PRKCZ: variants seen among roughly 807,000 people sequenced by gnomAD.
The protein encoded by PRKCZ is protein kinase C zeta type.
PRKCZ carries 33 observed loss-of-function variants against 79.5 expected under a neutral mutation model. That is an observed-to-expected ratio of 0.41 (90% CI 0.31 to 0.55). The LOEUF is 0.55. PRKCZ is among the 20% of genes least tolerant of loss of function. The probability of loss-of-function intolerance (pLI) is 0.19; values close to 1 mark genes in which losing one functional copy is unlikely to be tolerated. For synonymous variants in PRKCZ, 342 were observed against 320.9 expected, an observed-to-expected ratio of 1.07 and a Z score of -0.70; for missense variants, 578 against 813.5, an observed-to-expected ratio of 0.71 and a Z score of 3.52.
intron 4 of PRKCZ, among the ~76,000 whole-genome samples, chr1:2,101,174 G>A (rs972465893): frequency 1.3e-5 from 2 of 152,162 alleles, no homozygotes; most frequent in African/African-American, 4.8e-5. Flanking sequence ...GACAACTGGA[G>A]ACTTTATTCC....
At chr1:2,151,012 G>A (rs368360389) in intron 9 of PRKCZ, 34 bp downstream of exon 9, 61 of 1,608,468 alleles carry the variant, frequency 3.8e-5, no homozygotes, top group South Asian at 8.8e-5. Context: ...CCGGGGGCCC[G>A]GGAACGCGCT....
intron 4 of PRKCZ, among the ~76,000 whole-genome samples, chr1:2,061,633 G>C (rs367927177): frequency 9.5e-4 from 144 of 152,302 alleles, no homozygotes; most frequent in African/African-American, 3.3e-3. Context: ...CTCTGGGGCA[G>C]CCTTTGCCGA....
Position 2,172,050 on chromosome 1 carries a change from C to G in PRKCZ, c.1062-5C>G. 2.5e-6 allele frequency: 4 copies of G among 1,596,628 alleles called. No individual in the cohort carries two copies. The highest frequency in any genetic ancestry group is 2.7e-5 in the African/African-American group (2 of 74,758). ...CTGCCCCCATGACGGCATCCCCACC[C>G]CCAGGTTCTACGCGGCCGAGATCTG... On this transcript the variant is annotated splice_region_variant and splice_polypyrimidine_tract_variant and intron_variant, in intron 11 of 17. Coordinates refer to ENST00000378567, the MANE Select transcript of PRKCZ (RefSeq NM_002744.6). The surrounding 1 kb of genome is among the most constrained non-coding windows in gnomAD (Gnocchi z 7.8).
Position 2,174,476 on chromosome 1 carries a change from C to T in PRKCZ, c.1406-278C>T, listed in dbSNP as rs947514077. Among the ~76,000 whole-genome samples the T allele has an allele frequency of 6.6e-6, 1 of 152,246 alleles. No homozygotes were observed. The highest frequency in any genetic ancestry group is 2.4e-5 in the African/African-American group (1 of 41,464). ...CTCCGCGGTGCCCTCTGGTGGCCAGCCTGCAGAGGCACCCGTGTACCTGCG... is the reference window on the plus strand; with the variant it reads ...CTCCGCGGTGCCCTCTGGTGGCCAGTCTGCAGAGGCACCCGTGTACCTGCG... On this transcript the variant is annotated intron_variant, in intron 14 of 17. Coordinates refer to ENST00000378567, the MANE Select transcript of PRKCZ (RefSeq NM_002744.6). The surrounding 1 kb of genome is among the most constrained non-coding windows in gnomAD (Gnocchi z 6.2).
At position 2,149,839 on chromosome 1, in the gene PRKCZ, C is replaced by T. The variant is rs1339639272; in HGVS notation, c.687+915C>T. Among the ~76,000 whole-genome samples, 4 of 151,818 alleles carry T rather than the reference C, an allele frequency of 2.6e-5. No homozygotes were observed. The highest frequency in any genetic ancestry group is 2.1e-4 in the South Asian group (1 of 4,816). On this transcript the variant is annotated intron_variant, in intron 8 of 17. Transcript: ENST00000378567. The surrounding 1 kb of genome is among the most constrained non-coding windows in gnomAD (Gnocchi z 4.1). The stretch of plus-strand genomic sequence containing the variant: ...TCGCACCACTGCACTCCAGCCTGGG[C>T]GACAGAGGAAGAGTCTGTCTCAAAA...
At chr1:2,182,586 CG>C (rs1686820594) in intron 16 of PRKCZ, 1 of 154,926 alleles carries the variant, frequency 6.5e-6, no homozygotes, top group Non-Finnish European at 1.5e-5. Flanking sequence ...CTGGGCTGTT[CG>C]GCTTGGTCTG....
intron 4 of PRKCZ, chr1:2,071,204 T>C: frequency 3.7e-6 from 1 of 270,026 alleles, no homozygotes; most frequent in Non-Finnish European, 7.6e-6. Context: ...TCCTCCTCTG[T>C]AAAAGGGGGC....
intron 4 of PRKCZ, among the ~76,000 whole-genome samples, chr1:2,061,484 C>A (rs1346835904): frequency 1.3e-5 from 2 of 152,112 alleles, no homozygotes; most frequent in Non-Finnish European, 2.9e-5. Flanking sequence ...GCCGAGTCAC[C>A]GTGGGGAATG....
At chr1:2,113,600 G>C (rs1381402706) in intron 4 of PRKCZ, among the ~76,000 whole-genome samples, 1 of 152,186 alleles carries the variant, frequency 6.6e-6, no homozygotes, top group Non-Finnish European at 1.5e-5. Flanking sequence ...ATCCTGGAAG[G>C]GGGTGCAGCC....
At chr1:2,050,774 C>T (rs543125578) in intron 1 of PRKCZ, 73 bp downstream of exon 1, 12 of 985,866 alleles carry the variant, frequency 1.2e-5, no homozygotes, top group African/African-American at 5.0e-5. Context: ...CGTCGGGGCT[C>T]CTGCGCGAGA....
intron 4 of PRKCZ, among the ~76,000 whole-genome samples, chr1:2,119,846 G>A (rs1280947098): frequency 1.3e-5 from 2 of 150,524 alleles, no homozygotes; most frequent in African/African-American, 2.5e-5. Context: ...GAGTGCAGTG[G>A]TGTGATTTTG....
At chr1:2,107,223 G>A (rs3128334) in intron 4 of PRKCZ, among the ~76,000 whole-genome samples, 82,189 of 152,158 alleles carry the variant, frequency 0.54, 23,416 homozygotes, top group Middle Eastern at 0.66. Flanking sequence ...ACCAACAGCC[G>A]GCTGCCTTCC....
chr1:2,062,152 T>C (rs924203489), intron 4 of PRKCZ, among the ~76,000 whole-genome samples: 1 of 152,222 alleles, frequency 6.6e-6, no homozygotes, highest in Non-Finnish European at 1.5e-5. Flanking sequence ...ATTGGTTTTA[T>C]AGATTTTTAA....
intron 4 of PRKCZ, among the ~76,000 whole-genome samples, chr1:2,090,916 A>G (rs1339096458): frequency 6.6e-6 from 1 of 152,248 alleles, no homozygotes. Flanking sequence ...TCTTGACATT[A>G]TGATCTAAGC....
chr1:2,135,341 T>C lies in PRKCZ; in HGVS notation c.414T>C (p.Phe138=). ...GCCACCTCTTCCAAGCCAAGCGCTT[T>C]AACAGGGTGAGTGGCCCCCTTGGGA... is the stretch of plus-strand genomic sequence containing the variant. ...ANGHLFQAKR[F]NRRAYCGQCS... The change falls in exon 5 of 18, where the codon TTT becomes TTC. Residue 138 remains phenylalanine (F), a synonymous_variant. Coordinates refer to ENST00000378567, the MANE Select transcript of PRKCZ (RefSeq NM_002744.6). The C allele has an allele frequency of 6.2e-7, 1 of 1,611,478 alleles. No homozygotes were observed. The highest frequency in any genetic ancestry group is 8.5e-7 in the Non-Finnish European group (1 of 1,178,466).
intron 4 of PRKCZ, among the ~76,000 whole-genome samples, chr1:2,081,689 C>G (rs1223596938): frequency 6.6e-6 from 1 of 152,172 alleles, no homozygotes; most frequent in Non-Finnish European, 1.5e-5. Context: ...CCCGCATACT[C>G]TTCTCCCAGC....
rs891684530 is a variant in PRKCZ, at chr1:2,082,549, G to A, written c.334+22958G>A. On this transcript the variant is annotated intron_variant, in intron 4 of 17. Coordinates refer to ENST00000378567, the MANE Select transcript of PRKCZ (RefSeq NM_002744.6). The surrounding 1 kb of genome is among the most constrained non-coding windows in gnomAD (Gnocchi z 4.4). ...GGTAAATGCTCTGTGAGGAAGGAAC[G>A]ATGGTGGGATTTGTCACTCAGTCGA... The A allele has an allele frequency of 8.2e-5, 31 of 380,284 alleles. No homozygotes were observed. Among genetic ancestry groups the A allele is most frequent in the Admixed American group, 2.6e-4 (8 of 30,834 alleles). The allele number at this position is 380,284 out of a possible 1,614,324, so 23.6% of individuals were successfully genotyped here.
chr1:2,089,954 G>A (rs1327429109), intron 4 of PRKCZ, among the ~76,000 whole-genome samples: 1 of 152,146 alleles, frequency 6.6e-6, no homozygotes, highest in East Asian at 1.9e-4. Flanking sequence ...TCTGAGAGCT[G>A]GGTTTCGGCA....
chr1:2,183,474 A>G (rs1296178092), intron 16 of PRKCZ: 1 of 151,708 alleles, frequency 6.6e-6, no homozygotes, highest in East Asian at 1.9e-4. Flanking sequence ...GGTGAATGGG[A>G]GTGGGTTAGA....
Sources: allele counts gnomAD v4.1 joint callset (sites outside exome capture counted in the v4.1 genomes callset), GRCh38; gene constraint gnomAD v4.1.1; non-coding constraint Gnocchi (gnomAD v3.1); transcripts MANE v1.5; gene names NCBI Gene and HGNC (gene_info 2026-07-23, HGNC 2026-07-21).